The following C10orf90 variants were observed in gnomAD, a reference collection of about 807,000 sequenced individuals.
C10orf90 encodes the protein chromosome 10 open reading frame 90, also known as (E2-independent) E3 ubiquitin-conjugating enzyme FATS.
C10orf90 carries 56 observed loss-of-function variants against 62.5 expected under a neutral mutation model. The ratio of observed to expected loss-of-function variants is 0.90; its 90% CI spans 0.72 to 1.12. The LOEUF (loss-of-function observed/expected upper bound fraction) is 1.12. C10orf90 is among the 50% of genes most tolerant of loss of function. The pLI is 0.00. For missense variants in C10orf90, 970 were observed against 880.4 expected (o/e 1.10, Z -1.29); for synonymous variants, 386 against 340.4 (o/e 1.13, Z -1.47).
chr10:126,425,691 T>C lies in C10orf90; in HGVS notation c.*173A>G. 1 of 658,150 alleles carries C rather than the reference T, an allele frequency of 1.5e-6. No homozygotes were observed. Among genetic ancestry groups the C allele is most frequent in the Non-Finnish European group, 2.5e-6 (1 of 394,678 alleles). 40.8% of individuals were successfully genotyped at this position (658,150 alleles called of 1,614,324 possible). On this transcript the variant is annotated 3_prime_UTR_variant, in exon 10 of 10. Transcript: ENST00000488181. ...ACCTATTTTCTCGAGGGTTATTGTT[T>C]CTGTTTGGCTTGGGTCAGTAATTCA...
intron 4 of C10orf90, among the ~76,000 whole-genome samples, chr10:126,497,102 G>C (rs1862101997): frequency 6.6e-6 from 1 of 152,234 alleles, no homozygotes; most frequent in African/African-American, 2.4e-5. Flanking sequence ...TGTCAAGTGA[G>C]TGAGGGGAGG....
At chr10:126,490,743 C>G (rs1861724132) in intron 4 of C10orf90, among the ~76,000 whole-genome samples, 2 of 152,016 alleles carry the variant, frequency 1.3e-5, no homozygotes, top group African/African-American at 4.8e-5. Context: ...ATCTATATAT[C>G]TCTATTTTTG....
At chr10:126,638,876 G>T (rs955087224) in intron 2 of C10orf90, among the ~76,000 whole-genome samples, 8 of 152,274 alleles carry the variant, frequency 5.3e-5, no homozygotes, top group African/African-American at 1.9e-4. Context: ...AACAGCTGTT[G>T]ACCTCAACTG....
intron 2 of C10orf90, among the ~76,000 whole-genome samples, chr10:126,546,472 C>T (rs1864494589): frequency 6.6e-6 from 1 of 152,122 alleles, no homozygotes; most frequent in African/African-American, 2.4e-5. Flanking sequence ...CCAGAGGAGA[C>T]CTTGTAGAGA....
intron 7 of C10orf90, among the ~76,000 whole-genome samples, chr10:126,445,635 A>G (rs1858715216): frequency 6.6e-6 from 1 of 152,112 alleles, no homozygotes; most frequent in South Asian, 2.1e-4. Flanking sequence ...AAGTAGAACT[A>G]TCGTTTGATT....
At chr10:126,502,743 A>C (rs757027510) in intron 4 of C10orf90, 1 of 497,384 alleles carries the variant, frequency 2.0e-6, no homozygotes, top group Non-Finnish European at 4.1e-6. Context: ...AGGAAGACGA[A>C]GTGCTTAGCT....
At chr10:126,659,013 T>C (rs535770841) in intron 1 of C10orf90, among the ~76,000 whole-genome samples, 1 of 152,304 alleles carries the variant, frequency 6.6e-6, no homozygotes, top group African/African-American at 2.4e-5. Flanking sequence ...GTCTTCATGG[T>C]TTCTTTTCCT....
In C10orf90 at chr10:126,519,175, G is replaced by A. The variant is rs910059805; in HGVS notation, c.314-5236C>T. ...TTGGGTTTAGATAAAGGTGAACAGA[G>A]TGGAGAGGGATGGTGGCATAGCCCA... is the stretch of plus-strand genomic sequence containing the variant. On this transcript the variant is annotated intron_variant, in intron 2 of 9. Transcript: ENST00000488181. Among the ~76,000 whole-genome samples the A allele has an allele frequency of 2.0e-4, 30 of 152,270 alleles. 1 individual carries two copies. The highest frequency in any genetic ancestry group is 1.6e-3 in the Admixed American group (25 of 15,298).
chr10:126,571,307 AAGGGCAGGTGAGACTCACC>A (rs1291572598), intron 2 of C10orf90, among the ~76,000 whole-genome samples: 1 of 152,188 alleles, frequency 6.6e-6, no homozygotes, highest in South Asian at 2.1e-4. Flanking sequence ...GTCCAGGCCA[AAGGGCAGGTGAGACTCACC>A]AGGGCAACGA....
At chr10:126,566,306 C>A (rs1211927498) in intron 2 of C10orf90, among the ~76,000 whole-genome samples, 1 of 152,176 alleles carries the variant, frequency 6.6e-6, no homozygotes, top group Non-Finnish European at 1.5e-5. Context: ...AGCGAATATT[C>A]ATTAAGGGTC....
chr10:126,652,829 G>A (rs986515820), intron 1 of C10orf90, among the ~76,000 whole-genome samples: 1 of 152,172 alleles, frequency 6.6e-6, no homozygotes, highest in Non-Finnish European at 1.5e-5. Flanking sequence ...CTTTCAGCAT[G>A]TTCTATTATG....
intron 2 of C10orf90, among the ~76,000 whole-genome samples, chr10:126,599,353 T>C (rs1256381077): frequency 6.7e-6 from 1 of 149,702 alleles, no homozygotes; most frequent in African/African-American, 2.5e-5. Context: ...GCCCGGCTAA[T>C]TTTTTGTATT....
intron 2 of C10orf90, among the ~76,000 whole-genome samples, chr10:126,630,003 G>A (rs1712450525): frequency 1.3e-5 from 2 of 152,138 alleles, no homozygotes; most frequent in Admixed American, 6.5e-5. Context: ...GTTTTATCCT[G>A]CATTAACTAT....
chr10:126,497,584 C>T (rs1367826567), intron 4 of C10orf90, among the ~76,000 whole-genome samples: 2 of 152,140 alleles, frequency 1.3e-5, no homozygotes, highest in African/African-American at 4.8e-5. Context: ...TGATCTTGTC[C>T]ACCTCTCTAA....
chr10:126,624,582 T>C (rs1845707472), intron 2 of C10orf90, among the ~76,000 whole-genome samples: 1 of 152,046 alleles, frequency 6.6e-6, no homozygotes, highest in Non-Finnish European at 1.5e-5. Context: ...GGGAATGAAA[T>C]AGTAGAGAGT....
chr10:126,531,000 C>G (rs1054776251), intron 2 of C10orf90, among the ~76,000 whole-genome samples: 2 of 151,784 alleles, frequency 1.3e-5, no homozygotes, highest in East Asian at 3.9e-4. Flanking sequence ...ATGGTGAAAC[C>G]CTGTCTCTAC....
intron 2 of C10orf90, among the ~76,000 whole-genome samples, chr10:126,549,252 A>T (rs142400315): frequency 6.6e-6 from 1 of 152,348 alleles, no homozygotes; most frequent in East Asian, 1.9e-4. Context: ...AATATTTGCA[A>T]GCCACATAGC....
chr10:126,477,746 T>C (rs7923608), intron 4 of C10orf90, among the ~76,000 whole-genome samples: 30,935 of 152,154 alleles, frequency 0.2, 3,679 homozygotes, highest in African/African-American at 0.34. Context: ...CCTCATGGAA[T>C]AGGAGTTTTT....
intron 8 of C10orf90, 49 bp downstream of exon 8, chr10:126,429,738 C>T (rs1412415803): frequency 5.8e-6 from 9 of 1,551,968 alleles, no homozygotes; most frequent in Non-Finnish European, 8.0e-6. Flanking sequence ...CATCAAACCA[C>T]CCTACTCCCC....
Sources: gnomAD v4.1 joint callset for allele counts (sites outside exome capture counted in the v4.1 genomes callset) on GRCh38, gnomAD v4.1.1 for gene constraint, MANE v1.5 for transcripts, NCBI Gene and HGNC (gene_info 2026-07-23, HGNC 2026-07-21) for gene names.